ENTPD1: variants seen among roughly 807,000 people sequenced by gnomAD.
The protein encoded by ENTPD1 is ATP diphosphohydrolase.
A neutral mutation model predicts 57.0 loss-of-function variants in ENTPD1; 33 were observed. That is an observed-to-expected ratio of 0.58 (90% CI 0.44 to 0.77). ENTPD1 has a LOEUF of 0.77. ENTPD1 is among the 30% of genes least tolerant of loss of function. ENTPD1 has a pLI of 0.00. For missense variants in ENTPD1, 501 were observed against 603.4 expected, an observed-to-expected ratio of 0.83 and a Z score of 1.78; for synonymous variants, 202 against 218.8, an observed-to-expected ratio of 0.92 and a Z score of 0.68.
At chr10:95,795,584 C>G (rs2098223094) in intron 1 of ENTPD1, among the ~76,000 whole-genome samples, 1 of 152,150 alleles carries the variant, frequency 6.6e-6, no homozygotes, top group Admixed American at 6.5e-5. Flanking sequence ...TCACTCTAAT[C>G]ATTTTTTCAT....
At chr10:95,731,108 A>G (rs1700150341) in intron 1 of ENTPD1, among the ~76,000 whole-genome samples, 1 of 152,252 alleles carries the variant, frequency 6.6e-6, no homozygotes, top group African/African-American at 2.4e-5. Flanking sequence ...ATATATAAAC[A>G]TGTCATAATA....
intron 6 of ENTPD1, 64 bp from the exon 7 acceptor site, chr10:95,847,382 C>G: frequency 1.3e-6 from 2 of 1,595,434 alleles, no homozygotes; most frequent in Non-Finnish European, 1.7e-6. Flanking sequence ...TTGATTAAGT[C>G]AGACTGTACC....
At chr10:95,730,334 T>C (rs2097987903) in intron 1 of ENTPD1, among the ~76,000 whole-genome samples, 1 of 152,008 alleles carries the variant, frequency 6.6e-6, no homozygotes, top group Non-Finnish European at 1.5e-5. Context: ...GGATTACAGG[T>C]GTGAGCCACT....
the ENTPD1 span, among the ~76,000 whole-genome samples, chr10:95,705,331 T>A: frequency 6.6e-6 from 1 of 151,646 alleles, no homozygotes; most frequent in Admixed American, 6.6e-5. Flanking sequence ...AAAAGACTTG[T>A]ATGACAACAT....
intron 7 of ENTPD1, among the ~76,000 whole-genome samples, chr10:95,859,252 A>T (rs2098461120): frequency 1.3e-5 from 2 of 152,156 alleles, no homozygotes; most frequent in African/African-American, 2.4e-5. Flanking sequence ...CTGGTGGAGG[A>T]TATTTTTCCT....
At chr10:95,704,074 A>G in the ENTPD1 span, among the ~76,000 whole-genome samples, 17 of 152,310 alleles carry the variant, frequency 1.1e-4, no homozygotes, top group African/African-American at 4.1e-4. Flanking sequence ...CTGGCAACAG[A>G]GCAAGACTCT....
intron 2 of ENTPD1, 61 bp downstream of exon 2, chr10:95,823,425 G>T: frequency 6.2e-7 from 1 of 1,609,596 alleles, no homozygotes. Context: ...TGGGACAGGG[G>T]GAGGAGGGAT....
At chr10:95,697,508 T>C in the ENTPD1 span, among the ~76,000 whole-genome samples, 1 of 152,032 alleles carries the variant, frequency 6.6e-6, no homozygotes, top group Non-Finnish European at 1.5e-5. Flanking sequence ...CTTTAAGAGG[T>C]GATTTGATCA....
chr10:95,780,498 A>C (rs997317163), intron 1 of ENTPD1, among the ~76,000 whole-genome samples: 1 of 152,176 alleles, frequency 6.6e-6, no homozygotes, highest in African/African-American at 2.4e-5. Context: ...CACTACACTA[A>C]ATCTTTTATA....
intron 1 of ENTPD1, among the ~76,000 whole-genome samples, chr10:95,789,032 G>A (rs1232339843): frequency 6.6e-6 from 1 of 152,218 alleles, no homozygotes; most frequent in African/African-American, 2.4e-5. Flanking sequence ...TTACAGTTCA[G>A]TGGAAGAACA....
chr10:95,816,864 T>C (rs1245633368), intron 1 of ENTPD1, among the ~76,000 whole-genome samples: 2 of 152,178 alleles, frequency 1.3e-5, no homozygotes, highest in African/African-American at 2.4e-5. Flanking sequence ...CCTTATAGGA[T>C]TGTAGTGAAG....
At chr10:95,862,895 C>T (rs1412323849) in intron 8 of ENTPD1, among the ~76,000 whole-genome samples, 1 of 152,148 alleles carries the variant, frequency 6.6e-6, no homozygotes, top group Non-Finnish European at 1.5e-5. Context: ...CATCAATGCC[C>T]CTTTATGTGG....
chr10:95,707,173 G>A (rs1049909510), upstream of ENTPD1, among the ~76,000 whole-genome samples: 2 of 152,132 alleles, frequency 1.3e-5, no homozygotes, highest in East Asian at 1.9e-4. Context: ...GCTGTTGGTC[G>A]TGGGGGCTGC....
chr10:95,727,917 A>G (rs1041237537), intron 1 of ENTPD1, among the ~76,000 whole-genome samples: 2 of 152,382 alleles, frequency 1.3e-5, no homozygotes, highest in South Asian at 4.1e-4. Flanking sequence ...CAGTATTCAC[A>G]TAAATATTTT....
At chr10:95,763,600 A>G (rs889149289) in intron 1 of ENTPD1, among the ~76,000 whole-genome samples, 26 of 152,208 alleles carry the variant, frequency 1.7e-4, no homozygotes, top group African/African-American at 6.0e-4. Context: ...ATATTCTCTG[A>G]TGGGTAGAGA....
chr10:95,697,981 G>A, the ENTPD1 span, among the ~76,000 whole-genome samples: 3 of 152,182 alleles, frequency 2.0e-5, no homozygotes, highest in Non-Finnish European at 2.9e-5. Flanking sequence ...TTCAGTGAAT[G>A]GAGTATTAAG....
chr10:95,775,623 T>C (rs531029961), intron 1 of ENTPD1, among the ~76,000 whole-genome samples: 2 of 152,270 alleles, frequency 1.3e-5, no homozygotes, highest in South Asian at 4.1e-4. Flanking sequence ...TCTGTTGATT[T>C]GGGTGGAGAG....
intron 4 of ENTPD1, 85 bp from the exon 5 acceptor site, chr10:95,844,391 C>A: frequency 1.3e-6 from 2 of 1,569,746 alleles, no homozygotes; most frequent in Non-Finnish European, 1.8e-6. Flanking sequence ...TTCTTAGTAG[C>A]ACTGTGTGGA....
rs556288180 is a variant in ENTPD1, at chr10:95,847,726, A to T, written c.1074+20A>T. On this transcript the variant is annotated intron_variant, in intron 7 of 9. Transcript: ENST00000371205. ...TTTGGGGTAAGTTTGTGAAATGATG[A>T]GGTATAGGATGTCTTGTTTACAAGT... 3.7e-6 allele frequency: 6 copies of T among 1,614,086 alleles called. No homozygotes were observed. In the African/African-American group the frequency reaches 4.0e-5, roughly 11 times the overall value.
Sources: gnomAD v4.1 joint callset for allele counts (sites outside exome capture counted in the v4.1 genomes callset) on GRCh38, gnomAD v4.1.1 for gene constraint, MANE v1.5 for transcripts, NCBI Gene and HGNC (gene_info 2026-07-23, HGNC 2026-07-21) for gene names.